USH2A: variants seen among roughly 807,000 people sequenced by gnomAD.
The protein encoded by USH2A is Usher syndrome 2A (autosomal recessive, mild).
Under a neutral mutation model 538.9 loss-of-function variants are expected in USH2A, and 443 were observed. That is an observed-to-expected ratio of 0.82 (90% CI 0.76 to 0.89). The LOEUF (loss-of-function observed/expected upper bound fraction) is 0.89, where lower values mean the gene tolerates loss of function less well. USH2A is among the 40% of genes least tolerant of loss of function. The pLI is 0.00. For missense variants in USH2A, 6,633 were observed against 6,324.8 expected (o/e 1.05, Z -1.65); for synonymous variants, 2,413 against 2,273.5 (o/e 1.06, Z -1.75).
At chr1:215,631,604 C>T (rs1656285557) in intron 70 of USH2A, among the ~76,000 whole-genome samples, 1 of 152,188 alleles carries the variant, frequency 6.6e-6, no homozygotes, top group South Asian at 2.1e-4. Flanking sequence ...CAGGGGAATT[C>T]CACCCGGTGC....
intron 32 of USH2A, among the ~76,000 whole-genome samples, chr1:216,010,107 C>T (rs1371050223): frequency 6.6e-6 from 1 of 152,164 alleles, no homozygotes; most frequent in East Asian, 1.9e-4. Flanking sequence ...AACCCCACAA[C>T]AGGATTTAAT....
intron 20 of USH2A, among the ~76,000 whole-genome samples, chr1:216,180,189 A>G (rs2034465955): frequency 6.6e-6 from 1 of 152,118 alleles, no homozygotes; most frequent in African/African-American, 2.4e-5. Flanking sequence ...ATCTATCTGT[A>G]TTTACCCAGA....
chr1:215,767,920 G>A (rs1371803857), intron 55 of USH2A, among the ~76,000 whole-genome samples: 1 of 152,100 alleles, frequency 6.6e-6, no homozygotes, highest in Non-Finnish European at 1.5e-5. Flanking sequence ...GAAAAAAATA[G>A]TATTTTAAAA....
chr1:215,754,260 G>A (rs955996738), intron 58 of USH2A, among the ~76,000 whole-genome samples: 3 of 152,080 alleles, frequency 2.0e-5, no homozygotes, highest in African/African-American at 4.8e-5. Context: ...GTATGTACAC[G>A]ACATTTGTTA....
In USH2A at chr1:215,740,167, C is replaced by T. The variant is rs533977543; in HGVS notation, c.11711+1208G>A. The stretch of plus-strand genomic sequence containing the variant: ...CCTCCCCTCACTTTCTCTATTTTTT[C>T]TCTTCTTCTCTCCCTCCCTCCATCT... On this transcript the variant is annotated intron_variant, in intron 60 of 71. Coordinates refer to ENST00000307340, the MANE Select transcript of USH2A (RefSeq NM_206933.4). Among the ~76,000 whole-genome samples the T allele has an allele frequency of 9.1e-4, 139 of 152,130 alleles. 1 individual carries two copies. Among genetic ancestry groups the T allele is most frequent in the South Asian group, 7.3e-3 (35 of 4,810 alleles).
intron 11 of USH2A, among the ~76,000 whole-genome samples, chr1:216,268,021 C>T (rs772238645): frequency 1.2e-4 from 18 of 152,030 alleles, no homozygotes; most frequent in Admixed American, 1.3e-4. Flanking sequence ...TACATGTTTT[C>T]GTATTTGTGA....
rs114427332 is a variant in USH2A, at chr1:216,257,402, C to A, written c.1972-6304G>T. ...GATAGGAAATCTGTTGTCATTCTTACTGTTTTGCCTTTGTATTTAACACGT... is the reference window on the plus strand; with the variant it reads ...GATAGGAAATCTGTTGTCATTCTTAATGTTTTGCCTTTGTATTTAACACGT... On this transcript the variant is annotated intron_variant, in intron 11 of 71. Transcript: ENST00000307340. Among the ~76,000 whole-genome samples the A allele has an allele frequency of 4.8e-3, 730 of 152,020 alleles. 6 individuals carry two copies. The highest frequency in any genetic ancestry group is 0.017 in the African/African-American group (701 of 41,544).
chr1:216,146,972 G>T (rs1186722283), intron 21 of USH2A, among the ~76,000 whole-genome samples: 1 of 152,136 alleles, frequency 6.6e-6, no homozygotes, highest in Non-Finnish European at 1.5e-5. Context: ...CCAGAAAATG[G>T]CACTTTGAAT....
chr1:216,189,144 T>C (rs2102653925), intron 20 of USH2A, among the ~76,000 whole-genome samples: 1 of 152,068 alleles, frequency 6.6e-6, no homozygotes, highest in African/African-American at 2.4e-5. Flanking sequence ...ATACAAAGTG[T>C]TCAGTTATAA....
Position 216,318,010 on chromosome 1 carries a change from C to T in USH2A, c.1644+3873G>A, listed in dbSNP as rs371694066. Among the ~76,000 whole-genome samples the T allele has an allele frequency of 3.9e-5, 6 of 152,262 alleles. No homozygotes were observed. In the East Asian group the frequency reaches 5.8e-4, roughly 15 times the overall value. ...ATAAACAAATGAATAGTATTTTGTA[C>T]GGAAAATTCCTTAGGATGGCTAAAT... On this transcript the variant is annotated intron_variant, in intron 9 of 71. Transcript: ENST00000307340.
In USH2A at chr1:215,728,219, T is replaced by A; in HGVS notation, c.11877A>T (p.Gln3959His). 1 of 1,614,110 alleles carries A rather than the reference T, an allele frequency of 6.2e-7. No individual in the cohort carries two copies. Among genetic ancestry groups the A allele is most frequent in the Non-Finnish European group, 8.5e-7 (1 of 1,180,024 alleles). ...GSVESLWSLT[Q>H]TLEAPPQDFP... ...AATCTTGAGGTGGAGCTTCCAGAGT[T>A]TGTGTTAATGACCACAGACTCTCCA... Residue 3959 changes from glutamine to histidine, a missense_variant, in exon 61 of 72, where the codon CAA becomes CAT. Gln to His is a conservative substitution (Grantham distance 24). Coordinates refer to ENST00000307340, the MANE Select transcript of USH2A (RefSeq NM_206933.4).
chr1:215,852,415 G>T (rs1384845186), intron 44 of USH2A, among the ~76,000 whole-genome samples: 1 of 152,110 alleles, frequency 6.6e-6, no homozygotes, highest in East Asian at 1.9e-4. Flanking sequence ...AATTCTGGGA[G>T]CTAAAATTCA....
In USH2A at chr1:215,817,209, A is replaced by T. The variant is rs1172680851; in HGVS notation, c.9372-14T>A. On this transcript the variant is annotated splice_polypyrimidine_tract_variant and intron_variant, in intron 47 of 71. Transcript: ENST00000307340. ...ATTTGAAGAGATCTGCAACAGAGAG[A>T]ATAATCAATACTTCTGAAAAGACAC... 7 of 1,610,798 alleles carry T rather than the reference A, an allele frequency of 4.3e-6. No individual in the cohort carries two copies. The highest frequency in any genetic ancestry group is 2.2e-5 in the East Asian group (1 of 44,784).
intron 34 of USH2A, among the ~76,000 whole-genome samples, chr1:215,996,149 G>T (rs112994819): frequency 1.5e-4 from 23 of 152,288 alleles, no homozygotes; most frequent in African/African-American, 5.1e-4. Flanking sequence ...GGCCTCAACT[G>T]GTCTGCCCAC....
intron 30 of USH2A, among the ~76,000 whole-genome samples, chr1:216,049,513 T>C (rs2102527439): frequency 6.6e-6 from 1 of 152,178 alleles, no homozygotes; most frequent in East Asian, 1.9e-4. Context: ...CAAAGACGTT[T>C]TTCAGAGCAA....
Position 215,623,167 on chromosome 1 carries a change from T to C in USH2A, c.*2614A>G, listed in dbSNP as rs1381933605. On this transcript the variant is annotated 3_prime_UTR_variant, in exon 72 of 72. Coordinates refer to ENST00000307340, the MANE Select transcript of USH2A (RefSeq NM_206933.4). Reference sequence around the variant, plus strand: ...TTCTTAGAGTGTATAAAAACAACTGTACTCTTACCAAACAGTTGATATTAA... The same window carrying C: ...TTCTTAGAGTGTATAAAAACAACTGCACTCTTACCAAACAGTTGATATTAA... The C allele has an allele frequency of 2.6e-5, 4 of 152,046 alleles. No homozygotes were observed. The highest frequency in any genetic ancestry group is 5.9e-5 in the Non-Finnish European group (4 of 67,986). 9.4% of individuals were successfully genotyped at this position (152,046 alleles called of 1,614,324 possible). A position where few individuals can be genotyped will look rare whatever the true frequency, so the allele number is the denominator to read the frequency against.
chr1:215,668,515 A>G (rs1353605970), intron 64 of USH2A, among the ~76,000 whole-genome samples: 1 of 152,204 alleles, frequency 6.6e-6, no homozygotes, highest in Non-Finnish European at 1.5e-5. Flanking sequence ...AAAATTGGAG[A>G]TCAAAAACCA....
At chr1:215,647,932 A>G (rs1185527003) in intron 66 of USH2A, among the ~76,000 whole-genome samples, 1 of 150,940 alleles carries the variant, frequency 6.6e-6, no homozygotes, top group Non-Finnish European at 1.5e-5. Flanking sequence ...TAACCAGAGA[A>G]ATGATAAGAG....
intron 3 of USH2A, among the ~76,000 whole-genome samples, chr1:216,415,829 AT>A (rs2039569459): frequency 6.6e-6 from 1 of 151,910 alleles, no homozygotes; most frequent in African/African-American, 2.4e-5. Flanking sequence ...CCTGGCCTCC[AT>A]TATTTCTTAT....
Sources: allele counts gnomAD v4.1 joint callset (sites outside exome capture counted in the v4.1 genomes callset), GRCh38; gene constraint gnomAD v4.1.1; transcripts MANE v1.5; gene names NCBI Gene and HGNC (gene_info 2026-07-23, HGNC 2026-07-21).